The following LRRTM3 variants were observed in gnomAD, a reference collection of about 807,000 sequenced individuals.
LRRTM3 encodes leucine rich repeat transmembrane neuronal 3.
In LRRTM3, 24 loss-of-function variants were observed where a neutral mutation model predicts 44.7. The observed-to-expected ratio is 0.54, with a 90% CI of 0.39 to 0.76. LRRTM3 has a LOEUF of 0.76. Ranked by LOEUF, LRRTM3 falls within the 30% of genes least tolerant of loss-of-function variation. LRRTM3 has a pLI of 0.00. For missense variants in LRRTM3, 587 were observed against 702.2 expected, an observed-to-expected ratio of 0.84 and a Z score of 1.85; for synonymous variants, 277 against 278.7, an observed-to-expected ratio of 0.99 and a Z score of 0.06.
rs571248084 is a variant in LRRTM3, at chr10:67,092,353, A to C, written c.1537-5234A>C. 1.9e-3 allele frequency among the ~76,000 whole-genome samples: 284 copies of C among 152,056 alleles called. 1 individual carries two copies. Among genetic ancestry groups the C allele is most frequent in the Non-Finnish European group, 3.5e-3 (240 of 67,908 alleles). Reference sequence around the variant, plus strand: ...CTCTATTCAGACATAACACTTACCAAGCAAACTAGAGAGAGAATTCTAGAG... The same window carrying C: ...CTCTATTCAGACATAACACTTACCACGCAAACTAGAGAGAGAATTCTAGAG... On this transcript the variant is annotated intron_variant, in intron 2 of 2. Coordinates refer to ENST00000361320, the MANE Select transcript of LRRTM3 (RefSeq NM_178011.5).
At chr10:66,992,405 C>T (rs1184700113) in intron 2 of LRRTM3, among the ~76,000 whole-genome samples, 1 of 151,972 alleles carries the variant, frequency 6.6e-6, no homozygotes, top group Admixed American at 6.6e-5. Flanking sequence ...CTTCCTCCTC[C>T]TCCTCCTCCA....
At chr10:66,998,478 T>C (rs774285369) in intron 2 of LRRTM3, among the ~76,000 whole-genome samples, 1 of 152,246 alleles carries the variant, frequency 6.6e-6, no homozygotes, top group Non-Finnish European at 1.5e-5. Context: ...ATATTGCAAA[T>C]TATATTTTTA....
At chr10:66,991,903 C>T (rs1851061204) in intron 2 of LRRTM3, among the ~76,000 whole-genome samples, 2 of 152,080 alleles carry the variant, frequency 1.3e-5, no homozygotes, top group Admixed American at 1.3e-4. Flanking sequence ...GAAAAGAAGG[C>T]CATCTATTCA....
At chr10:66,983,673 C>A (rs889534456) in intron 2 of LRRTM3, among the ~76,000 whole-genome samples, 1 of 152,108 alleles carries the variant, frequency 6.6e-6, no homozygotes, top group African/African-American at 2.4e-5. Flanking sequence ...TCAGAAATGA[C>A]CTCAGGTGGA....
At chr10:67,065,388 G>A (rs1343713478) in intron 2 of LRRTM3, among the ~76,000 whole-genome samples, 1 of 152,052 alleles carries the variant, frequency 6.6e-6, no homozygotes, top group Non-Finnish European at 1.5e-5. Context: ...AAAGGTATAA[G>A]GGCATTGATT....
At chr10:67,085,611 T>C (rs1462056897) in intron 2 of LRRTM3, among the ~76,000 whole-genome samples, 1 of 152,010 alleles carries the variant, frequency 6.6e-6, no homozygotes, top group Non-Finnish European at 1.5e-5. Context: ...ACTTTTAAAG[T>C]TTATGTTTGT....
intron 2 of LRRTM3, among the ~76,000 whole-genome samples, chr10:66,984,599 G>C (rs372290112): frequency 6.6e-6 from 1 of 152,044 alleles, no homozygotes; most frequent in Non-Finnish European, 1.5e-5. Flanking sequence ...TTCTCAATGC[G>C]TTCATGATTC....
intron 2 of LRRTM3, among the ~76,000 whole-genome samples, chr10:66,994,136 C>T (rs1473346239): frequency 1.3e-5 from 2 of 151,988 alleles, no homozygotes; most frequent in East Asian, 1.9e-4. Flanking sequence ...AAGTGAGTTG[C>T]CATCACTATA....
At chr10:67,057,639 G>T (rs1312053975) in intron 2 of LRRTM3, among the ~76,000 whole-genome samples, 2 of 152,076 alleles carry the variant, frequency 1.3e-5, no homozygotes, top group African/African-American at 4.8e-5. Flanking sequence ...GCAACACGAG[G>T]TTGGTTTACT....
chr10:66,998,894 G>GAGAACACACATTC (rs1328417091), intron 2 of LRRTM3, among the ~76,000 whole-genome samples: 1 of 152,072 alleles, frequency 6.6e-6, no homozygotes, highest in Non-Finnish European at 1.5e-5. Flanking sequence ...CCTACAATTA[G>GAGAACACACATTC]AGAACACACA....
At chr10:66,998,109 A>G (rs1261291108) in intron 2 of LRRTM3, among the ~76,000 whole-genome samples, 1 of 152,172 alleles carries the variant, frequency 6.6e-6, no homozygotes, top group Non-Finnish European at 1.5e-5. Flanking sequence ...GAGATGGCTG[A>G]TGCCATTCCC....
chr10:67,070,403 T>C (rs1214015775), intron 2 of LRRTM3, among the ~76,000 whole-genome samples: 2 of 152,170 alleles, frequency 1.3e-5, no homozygotes, highest in African/African-American at 2.4e-5. Flanking sequence ...TTAGTTTTAA[T>C]ATAAACCAAT....
At chr10:67,030,748 G>A (rs1272896517) in intron 2 of LRRTM3, among the ~76,000 whole-genome samples, 1 of 152,174 alleles carries the variant, frequency 6.6e-6, no homozygotes, top group African/African-American at 2.4e-5. Flanking sequence ...GCTCACGCCT[G>A]TGATCCCAGC....
At chr10:67,016,670 T>C (rs558701988) in intron 2 of LRRTM3, among the ~76,000 whole-genome samples, 1 of 152,222 alleles carries the variant, frequency 6.6e-6, no homozygotes, top group East Asian at 1.9e-4. Context: ...AAGGCACCTA[T>C]TGATAATGTC....
At chr10:67,021,198 T>G (rs1343596957) in intron 2 of LRRTM3, among the ~76,000 whole-genome samples, 3 of 152,110 alleles carry the variant, frequency 2.0e-5, no homozygotes, top group African/African-American at 7.2e-5. Context: ...AGAAGTTCAA[T>G]TATCCAACAC....
intron 2 of LRRTM3, among the ~76,000 whole-genome samples, chr10:67,071,136 C>T (rs1212077883): frequency 6.6e-6 from 1 of 152,178 alleles, no homozygotes; most frequent in African/African-American, 2.4e-5. Flanking sequence ...AAGCATCACT[C>T]TTATTGTTCA....
chr10:66,951,044 GTATT>G, intron 2 of LRRTM3, among the ~76,000 whole-genome samples: 1 of 151,116 alleles, frequency 6.6e-6, no homozygotes, highest in East Asian at 2.0e-4. Context: ...TTGCTGCACT[GTATT>G]TATCACAAGG....
At chr10:67,081,346 A>C (rs774943398) in intron 2 of LRRTM3, among the ~76,000 whole-genome samples, 23 of 152,218 alleles carry the variant, frequency 1.5e-4, no homozygotes, top group Non-Finnish European at 2.2e-4. Flanking sequence ...TTTTTCAATC[A>C]ATCAGTAGTA....
intron 2 of LRRTM3, among the ~76,000 whole-genome samples, chr10:67,095,756 A>T (rs1207246660): frequency 6.6e-6 from 1 of 151,834 alleles, no homozygotes; most frequent in African/African-American, 2.4e-5. Flanking sequence ...CCCATAACAC[A>T]TTACAGAGCA....
Sources: gnomAD v4.1 joint callset for allele counts (sites outside exome capture counted in the v4.1 genomes callset) on GRCh38, gnomAD v4.1.1 for gene constraint, MANE v1.5 for transcripts, NCBI Gene and HGNC (gene_info 2026-07-23, HGNC 2026-07-21) for gene names.